Variants in STXBP5L observed in about 807,000 individuals in gnomAD.
STXBP5L encodes syntaxin-binding protein 5-like.
A neutral mutation model predicts 144.5 loss-of-function variants in STXBP5L; 65 were observed. The ratio of observed to expected loss-of-function variants is 0.45; its 90% CI spans 0.37 to 0.55. The LOEUF (loss-of-function observed/expected upper bound fraction) is 0.55, where lower values mean the gene tolerates loss of function less well. Ranked by LOEUF, STXBP5L falls within the 20% of genes least tolerant of loss-of-function variation. The probability of loss-of-function intolerance (pLI) is 0.00; values close to 1 mark genes in which losing one functional copy is unlikely to be tolerated. For missense variants in STXBP5L, 1,298 were observed against 1,405.5 expected, an observed-to-expected ratio of 0.92 and a Z score of 1.22; for synonymous variants, 505 against 469.6, an observed-to-expected ratio of 1.08 and a Z score of -0.97.
intron 2 of STXBP5L, among the ~76,000 whole-genome samples, chr3:120,912,452 A>C (rs1374579095): frequency 6.6e-6 from 1 of 151,946 alleles, no homozygotes; most frequent in East Asian, 1.9e-4. Flanking sequence ...TGATAAAAAA[A>C]CTTTTTATAT....
chr3:121,133,277 G>T (rs1577034265), intron 7 of STXBP5L, among the ~76,000 whole-genome samples: 1 of 152,192 alleles, frequency 6.6e-6, no homozygotes, highest in South Asian at 2.1e-4. Flanking sequence ...AACCCAGGAA[G>T]CCCAAAGAAC....
intron 2 of STXBP5L, among the ~76,000 whole-genome samples, chr3:120,919,341 G>C (rs1709254072): frequency 6.6e-6 from 1 of 151,996 alleles, no homozygotes; most frequent in South Asian, 2.1e-4. Flanking sequence ...TGTTTTATTA[G>C]TAACTTAGAT....
In STXBP5L at chr3:121,424,422, G is replaced by T. The variant is rs556144212; in HGVS notation, c.*5325G>T. On this transcript the variant is annotated 3_prime_UTR_variant, in exon 27 of 27. Transcript: ENST00000471454. ...GTAACACATAATGAGAAGAAACTCA[G>T]AGTTATTGCCTTTCATACTGCTTTC... The T allele has an allele frequency of 6.7e-6, 1 of 148,398 alleles. No individual in the cohort carries two copies. The highest frequency in any genetic ancestry group is 2.6e-5 in the African/African-American group (1 of 37,874). 9.2% of individuals were successfully genotyped at this position (148,398 alleles called of 1,614,324 possible).
intron 3 of STXBP5L, among the ~76,000 whole-genome samples, chr3:120,994,045 G>A (rs1328156597): frequency 6.6e-6 from 1 of 151,578 alleles, no homozygotes; most frequent in Non-Finnish European, 1.5e-5. Flanking sequence ...TTTTATTTTT[G>A]TGACTGTTGT....
intron 9 of STXBP5L, among the ~76,000 whole-genome samples, chr3:121,159,875 G>A (rs1259329088): frequency 2.0e-5 from 3 of 151,522 alleles, no homozygotes; most frequent in African/African-American, 4.8e-5. Flanking sequence ...CTCGTGATCC[G>A]CCCGCCTCAG....
intron 5 of STXBP5L, among the ~76,000 whole-genome samples, chr3:121,071,479 G>A (rs994666596): frequency 6.6e-6 from 1 of 152,192 alleles, no homozygotes; most frequent in Non-Finnish European, 1.5e-5. Context: ...TTCACTGCAG[G>A]ATCAGCCATG....
intron 3 of STXBP5L, among the ~76,000 whole-genome samples, chr3:121,013,653 A>T (rs12496360): frequency 6.6e-6 from 1 of 151,762 alleles, no homozygotes; most frequent in Admixed American, 6.6e-5. Flanking sequence ...CTTTTGCTGT[A>T]TGGAAGGTTT....
chr3:120,936,851 T>C (rs1710290189), intron 2 of STXBP5L, among the ~76,000 whole-genome samples: 1 of 152,088 alleles, frequency 6.6e-6, no homozygotes, highest in Non-Finnish European at 1.5e-5. Flanking sequence ...ACATGCAGTT[T>C]TTAAAAGTTG....
At chr3:121,307,842 G>C (rs1577415002) in intron 19 of STXBP5L, among the ~76,000 whole-genome samples, 1 of 152,060 alleles carries the variant, frequency 6.6e-6, no homozygotes, top group East Asian at 1.9e-4. Context: ...ACTCCGAGAA[G>C]ATAAATGGAA....
intron 20 of STXBP5L, among the ~76,000 whole-genome samples, chr3:121,350,057 T>C (rs575993756): frequency 3.3e-5 from 5 of 152,288 alleles, no homozygotes; most frequent in African/African-American, 9.6e-5. Flanking sequence ...CTAGCCTCAA[T>C]GGTCTTTACA....
At chr3:121,258,082 C>T (rs1386263404) in intron 17 of STXBP5L, among the ~76,000 whole-genome samples, 1 of 152,004 alleles carries the variant, frequency 6.6e-6, no homozygotes, top group African/African-American at 2.4e-5. Flanking sequence ...CATAATCTTT[C>T]TTTTTTAAAA....
intron 3 of STXBP5L, among the ~76,000 whole-genome samples, chr3:121,005,282 G>A (rs1051055389): frequency 6.6e-6 from 1 of 152,120 alleles, no homozygotes; most frequent in Non-Finnish European, 1.5e-5. Flanking sequence ...AGTCTTGAGA[G>A]GGTGTATGTG....
chr3:121,280,514 G>A (rs1480916373), intron 19 of STXBP5L, among the ~76,000 whole-genome samples: 1 of 151,690 alleles, frequency 6.6e-6, no homozygotes, highest in Non-Finnish European at 1.5e-5. Flanking sequence ...CATTTTTCTT[G>A]GAAGGATCAA....
intron 20 of STXBP5L, among the ~76,000 whole-genome samples, chr3:121,348,125 A>G (rs2045086654): frequency 1.3e-5 from 2 of 151,828 alleles, no homozygotes; most frequent in Admixed American, 1.3e-4. Context: ...ATTTTGAGAT[A>G]TGTCCCATCA....
At chr3:121,190,343 A>G (rs2047592024) in intron 9 of STXBP5L, among the ~76,000 whole-genome samples, 1 of 152,214 alleles carries the variant, frequency 6.6e-6, no homozygotes, top group Non-Finnish European at 1.5e-5. Flanking sequence ...TAGTGGACAC[A>G]GCACGTTTCA....
chr3:121,116,053 G>C (rs1163347485), intron 6 of STXBP5L, among the ~76,000 whole-genome samples: 3 of 152,094 alleles, frequency 2.0e-5, no homozygotes, highest in Non-Finnish European at 4.4e-5. Flanking sequence ...TTCAACATGA[G>C]CTTTGGGCAG....
chr3:121,035,850 A>G (rs1378267288), intron 3 of STXBP5L, among the ~76,000 whole-genome samples: 1 of 152,164 alleles, frequency 6.6e-6, no homozygotes, highest in Non-Finnish European at 1.5e-5. Context: ...CATCTTAACA[A>G]TATTGAGTCT....
intron 18 of STXBP5L, among the ~76,000 whole-genome samples, chr3:121,271,660 C>A (rs535005468): frequency 7.9e-4 from 120 of 152,130 alleles, no homozygotes; most frequent in Non-Finnish European, 1.6e-3. Context: ...CTTTTATATT[C>A]TTGCTTTTGG....
chr3:121,306,846 T>C (rs2043352757), intron 19 of STXBP5L, among the ~76,000 whole-genome samples: 1 of 152,132 alleles, frequency 6.6e-6, no homozygotes, highest in African/African-American at 2.4e-5. Context: ...GTACAATGTA[T>C]GTCCCAGGGT....
Sources: gnomAD v4.1 joint callset for allele counts (sites outside exome capture counted in the v4.1 genomes callset) on GRCh38, gnomAD v4.1.1 for gene constraint, MANE v1.5 for transcripts, NCBI Gene and HGNC (gene_info 2026-07-23, HGNC 2026-07-21) for gene names.